The following PREP variants were observed in gnomAD, a reference collection of about 807,000 sequenced individuals.
PREP encodes the protein prolyl endopeptidase.
PREP carries 29 observed loss-of-function variants against 87.6 expected under a neutral mutation model. That is an observed-to-expected ratio of 0.33 (90% CI 0.25 to 0.45). PREP has a LOEUF of 0.45. Ranked by LOEUF, PREP falls within the 20% of genes least tolerant of loss-of-function variation. PREP has a pLI of 1.00. For missense variants in PREP, 695 were observed against 886.5 expected (o/e 0.78, Z 2.74); for synonymous variants, 337 against 328.6 (o/e 1.03, Z -0.28).
chr6:105,384,854 C>T (rs572558495), intron 2 of PREP, among the ~76,000 whole-genome samples: 6 of 152,170 alleles, frequency 3.9e-5, no homozygotes, highest in South Asian at 2.1e-4. Context: ...AAGCAGATGA[C>T]CTAAGAGAAA....
chr6:105,314,390 C>T (rs1257630958), intron 10 of PREP, among the ~76,000 whole-genome samples: 5 of 152,222 alleles, frequency 3.3e-5, no homozygotes, highest in African/African-American at 1.2e-4. Context: ...ATTTTGCTCA[C>T]AGTAGAATTT....
intron 10 of PREP, among the ~76,000 whole-genome samples, chr6:105,310,766 T>C (rs1412660192): frequency 1.3e-5 from 2 of 152,236 alleles, no homozygotes; most frequent in East Asian, 1.9e-4. Flanking sequence ...TTAAGTAACA[T>C]ATTTATGCTG....
chr6:105,318,506 C>T lies in PREP; in HGVS notation c.1317+5159G>A, dbSNP rs375906584. On this transcript the variant is annotated intron_variant, in intron 10 of 14. Coordinates refer to ENST00000652536, the MANE Select transcript of PREP (RefSeq NM_002726.5). ...AACAGACTTATCTTCCAGAGTCACACAGCTGGTATCCAGAGAAGGAGAAAG... is the reference window on the plus strand; with the variant it reads ...AACAGACTTATCTTCCAGAGTCACATAGCTGGTATCCAGAGAAGGAGAAAG... 2.0e-5 allele frequency among the ~76,000 whole-genome samples: 3 copies of T among 152,274 alleles called. 1 individual carries two copies. Among genetic ancestry groups the T allele is most frequent in the East Asian group, 3.9e-4 (2 of 5,186 alleles).
At chr6:105,395,443 T>C (rs1348663309) in intron 2 of PREP, among the ~76,000 whole-genome samples, 2 of 152,158 alleles carry the variant, frequency 1.3e-5, no homozygotes, top group African/African-American at 2.4e-5. Context: ...AATTTCTTCA[T>C]CTGTAAAATG....
chr6:105,293,643 A>T (rs1770347260), intron 10 of PREP, among the ~76,000 whole-genome samples: 1 of 152,106 alleles, frequency 6.6e-6, no homozygotes. Flanking sequence ...GAAGCTCAGT[A>T]AAATAAAGTA....
At chr6:105,342,248 G>A (rs186149979) in intron 7 of PREP, among the ~76,000 whole-genome samples, 5 of 152,214 alleles carry the variant, frequency 3.3e-5, no homozygotes, top group East Asian at 3.9e-4. Flanking sequence ...ATCAACAAAC[G>A]TAATCCATCA....
chr6:105,358,849 T>C (rs990070469), intron 6 of PREP, among the ~76,000 whole-genome samples: 1 of 152,182 alleles, frequency 6.6e-6, no homozygotes, highest in African/African-American at 2.4e-5. Flanking sequence ...CCATTCGTCA[T>C]TGTAAAATGG....
At chr6:105,367,461 C>G (rs1251355956) in intron 6 of PREP, among the ~76,000 whole-genome samples, 1 of 152,072 alleles carries the variant, frequency 6.6e-6, no homozygotes, top group Non-Finnish European at 1.5e-5. Flanking sequence ...ATCACGAGGT[C>G]AGGAGATCGA....
At chr6:105,362,447 C>T (rs58361864) in intron 6 of PREP, among the ~76,000 whole-genome samples, 6,700 of 152,202 alleles carry the variant, frequency 0.044, 508 homozygotes, top group African/African-American at 0.16. Flanking sequence ...GGCGACAGAG[C>T]GAGACTCCAT....
Position 105,359,200 on chromosome 6 carries a change from T to C in PREP, c.718-6123A>G, listed in dbSNP as rs989978909. Among the ~76,000 whole-genome samples the C allele has an allele frequency of 3.3e-5, 5 of 152,196 alleles. No individual in the cohort carries two copies. In the East Asian group the frequency reaches 5.8e-4, roughly 18 times the overall value. The stretch of plus-strand genomic sequence containing the variant: ...TCAGGCTCAGGCACACACAGATCAA[T>C]AGGCTAGAACCTTCAAGAACTCATG... On this transcript the variant is annotated intron_variant, in intron 6 of 14. Coordinates refer to ENST00000652536, the MANE Select transcript of PREP (RefSeq NM_002726.5).
At chr6:105,388,364 G>A (rs567166922) in intron 2 of PREP, among the ~76,000 whole-genome samples, 1 of 152,024 alleles carries the variant, frequency 6.6e-6, no homozygotes, top group East Asian at 1.9e-4. Context: ...CTGGCCCTTG[G>A]TCCATTCCAA....
In PREP at chr6:105,382,226, T is replaced by C. The variant is rs148936807; in HGVS notation, c.121-4707A>G. ...AGTTCAAGAGATCTATTGTACAACA[T>C]GGTAACTGCCTGAAAATTGCTAAGA... On this transcript the variant is annotated intron_variant, in intron 2 of 14. Coordinates refer to ENST00000652536, the MANE Select transcript of PREP (RefSeq NM_002726.5). 3.6e-3 allele frequency among the ~76,000 whole-genome samples: 551 copies of C among 151,062 alleles called. 2 individuals are homozygous for C. Among genetic ancestry groups the C allele is most frequent in the African/African-American group, 0.011 (470 of 41,186 alleles).
intron 10 of PREP, among the ~76,000 whole-genome samples, chr6:105,316,605 C>T (rs774420347): frequency 1.3e-5 from 2 of 152,024 alleles, no homozygotes; most frequent in Non-Finnish European, 2.9e-5. Flanking sequence ...AAGTACAATA[C>T]AATAAAGCAA....
intron 7 of PREP, among the ~76,000 whole-genome samples, chr6:105,338,756 G>T (rs1177714862): frequency 6.6e-6 from 1 of 152,208 alleles, no homozygotes; most frequent in Non-Finnish European, 1.5e-5. Context: ...CCCCTGGCTC[G>T]GAGGGTCCCA....
In PREP at chr6:105,355,328, C is replaced by A. The variant is rs112349343; in HGVS notation, c.718-2251G>T. Among the ~76,000 whole-genome samples the A allele has an allele frequency of 9.8e-3, 1,499 of 152,220 alleles. 27 individuals carry two copies. Among genetic ancestry groups the A allele is most frequent in the African/African-American group, 0.033 (1,381 of 41,532 alleles). On this transcript the variant is annotated intron_variant, in intron 6 of 14. Coordinates refer to ENST00000652536, the MANE Select transcript of PREP (RefSeq NM_002726.5). ...CTTGAACTTCTGACCTCAAGGTGAT[C>A]CACCCATCTTGGCCTCCCAAAGTGC... is the stretch of plus-strand genomic sequence containing the variant.
chr6:105,365,203 T>C (rs1772356533), intron 6 of PREP, among the ~76,000 whole-genome samples: 1 of 152,226 alleles, frequency 6.6e-6, no homozygotes, highest in Admixed American at 6.5e-5. Context: ...GCCGAAATCA[T>C]GCCACGGCAC....
intron 2 of PREP, among the ~76,000 whole-genome samples, chr6:105,389,947 G>T (rs1258174992): frequency 2.0e-5 from 3 of 152,064 alleles, no homozygotes; most frequent in Non-Finnish European, 2.9e-5. Context: ...GACAATGAAG[G>T]GCACCTGGGA....
In PREP at chr6:105,340,981, C is replaced by T. The variant is rs184288946; in HGVS notation, c.824-7476G>A. 7.0e-3 allele frequency among the ~76,000 whole-genome samples: 1,067 copies of T among 152,250 alleles called. 16 individuals are homozygous for T. Among genetic ancestry groups the T allele is most frequent in the South Asian group, 0.04 (195 of 4,818 alleles). ...CCACTGTCAACATTAGACACATCAA[C>T]GAGACAGAAAGTTAACAAGGATATC... On this transcript the variant is annotated intron_variant, in intron 7 of 14. Transcript: ENST00000652536.
intron 10 of PREP, among the ~76,000 whole-genome samples, chr6:105,303,400 C>T (rs1030610467): frequency 2.0e-5 from 3 of 152,108 alleles, no homozygotes; most frequent in Admixed American, 1.3e-4. Flanking sequence ...CCACTTTCTG[C>T]CTTCAACTTC....
Sources: gnomAD v4.1 joint callset for allele counts (sites outside exome capture counted in the v4.1 genomes callset) on GRCh38, gnomAD v4.1.1 for gene constraint, MANE v1.5 for transcripts, NCBI Gene and HGNC (gene_info 2026-07-23, HGNC 2026-07-21) for gene names.